CCDC102B: variants seen among roughly 807,000 people sequenced by gnomAD.
The protein encoded by CCDC102B is coiled-coil domain containing 102B.
A neutral mutation model predicts 57.4 loss-of-function variants in CCDC102B; 75 were observed. That is an observed-to-expected ratio of 1.31 (90% CI 1.08 to 1.58). The LOEUF (loss-of-function observed/expected upper bound fraction) is 1.58, where lower values mean the gene tolerates loss of function less well. Ranked by LOEUF, CCDC102B falls within the 40% of genes most tolerant of loss-of-function variation. The probability of loss-of-function intolerance (pLI) is 0.00; values close to 1 mark genes in which losing one functional copy is unlikely to be tolerated. For synonymous variants in CCDC102B, 206 were observed against 201.9 expected, an observed-to-expected ratio of 1.02 and a Z score of -0.17; for missense variants, 636 against 582.6, an observed-to-expected ratio of 1.09 and a Z score of -0.94.
At chr18:68,911,750 TC>T (rs1156311964) in intron 6 of CCDC102B, among the ~76,000 whole-genome samples, 1 of 10,798 alleles carries the variant, frequency 9.3e-5, no homozygotes, top group Non-Finnish European at 1.6e-4. Flanking sequence ...AGACTCCGTC[TC>T]AAAAAAAAAA....
intron 6 of CCDC102B, among the ~76,000 whole-genome samples, chr18:68,906,426 A>G (rs1380383078): frequency 6.6e-6 from 1 of 152,272 alleles, no homozygotes; most frequent in Non-Finnish European, 1.5e-5. Flanking sequence ...GGCGGAACCC[A>G]TTACCTTTCC....
At chr18:68,916,790 C>G (rs999886037) in intron 6 of CCDC102B, among the ~76,000 whole-genome samples, 37 of 152,134 alleles carry the variant, frequency 2.4e-4, no homozygotes, top group African/African-American at 8.9e-4. Context: ...TTGCTTTCTC[C>G]TGGGAAATGA....
upstream of CCDC102B, among the ~76,000 whole-genome samples, chr18:68,797,326 G>C (rs1255180261): frequency 2.6e-5 from 4 of 152,184 alleles, no homozygotes; most frequent in South Asian, 8.3e-4. Flanking sequence ...AAGGAGCAAG[G>C]CTATCCTGTT....
intron 1 of CCDC102B, among the ~76,000 whole-genome samples, chr18:68,827,014 C>A (rs918968009): frequency 6.6e-6 from 1 of 151,240 alleles, no homozygotes; most frequent in Admixed American, 6.6e-5. Flanking sequence ...ACAAAGGCTA[C>A]AAGGAGATGG....
intron 2 of CCDC102B, among the ~76,000 whole-genome samples, chr18:68,743,711 A>C (rs626825): frequency 6.6e-6 from 1 of 152,172 alleles, no homozygotes; most frequent in Non-Finnish European, 1.5e-5. Flanking sequence ...TTGAGGGAAG[A>C]CTTGGGAGTA....
intron 2 of CCDC102B, among the ~76,000 whole-genome samples, chr18:68,745,676 A>G: frequency 6.6e-6 from 1 of 152,172 alleles, no homozygotes; most frequent in South Asian, 2.1e-4. Context: ...ATCAAACACA[A>G]GAACTTATTT....
chr18:68,845,336 A>G (rs2037812876), intron 3 of CCDC102B, among the ~76,000 whole-genome samples: 1 of 151,886 alleles, frequency 6.6e-6, no homozygotes, highest in African/African-American at 2.4e-5. Context: ...ATAGATCCGT[A>G]TATTAGTTAA....
chr18:68,913,658 A>AT (rs1568327735), intron 6 of CCDC102B, among the ~76,000 whole-genome samples: 6 of 64,280 alleles, frequency 9.3e-5, no homozygotes, highest in African/African-American at 1.4e-4. Context: ...CGGTCTCAAA[A>AT]GAAAAAAAAA....
intron 1 of CCDC102B, among the ~76,000 whole-genome samples, chr18:68,829,935 A>G (rs1484503215): frequency 6.6e-6 from 1 of 151,938 alleles, no homozygotes; most frequent in African/African-American, 2.4e-5. Context: ...AACAACAACA[A>G]ACAGAAAAAA....
intron 6 of CCDC102B, among the ~76,000 whole-genome samples, chr18:68,909,077 T>A (rs1599672383): frequency 7.6e-6 from 1 of 132,364 alleles, no homozygotes; most frequent in Non-Finnish European, 1.6e-5. Context: ...TCCAAAGACA[T>A]AGTTTGGCAT....
At chr18:68,987,699 G>GA (rs1470568509) in intron 6 of CCDC102B, among the ~76,000 whole-genome samples, 3 of 151,238 alleles carry the variant, frequency 2.0e-5, no homozygotes, top group African/African-American at 7.3e-5. Context: ...CTTAATAAGT[G>GA]AAAAAAAGAA....
intron 1 of CCDC102B, among the ~76,000 whole-genome samples, chr18:68,822,181 G>T (rs1199310072): frequency 6.6e-6 from 1 of 152,078 alleles, no homozygotes; most frequent in Non-Finnish European, 1.5e-5. Context: ...GGATCACGAG[G>T]TCAGGAGTTT....
intron 2 of CCDC102B, among the ~76,000 whole-genome samples, chr18:68,739,281 G>C (rs959680974): frequency 6.6e-6 from 1 of 152,208 alleles, no homozygotes; most frequent in African/African-American, 2.4e-5. Context: ...ACAGGCGTGA[G>C]CCACTGTGCC....
chr18:68,733,498 ATATATATATT>A (rs1239690123), intron 2 of CCDC102B, among the ~76,000 whole-genome samples: 3,331 of 95,324 alleles, frequency 0.035, 244 homozygotes, highest in African/African-American at 0.12. Context: ...ATATATATAT[ATATATATATT>A]TTTTTAACTT....
chr18:68,905,942 C>T (rs2096945), intron 6 of CCDC102B, among the ~76,000 whole-genome samples: 115,205 of 151,302 alleles, frequency 0.76, 44,526 homozygotes, highest in Non-Finnish European at 0.84. Flanking sequence ...TACAGGCGCC[C>T]GCCACCACGC....
At chr18:68,910,737 C>G (rs904677887) in intron 6 of CCDC102B, among the ~76,000 whole-genome samples, 25 of 152,144 alleles carry the variant, frequency 1.6e-4, no homozygotes, top group African/African-American at 5.6e-4. Flanking sequence ...ACAATTGGCT[C>G]TTTATTCACA....
At chr18:68,791,219 G>T (rs1441548329) in intron 2 of CCDC102B, among the ~76,000 whole-genome samples, 1 of 152,180 alleles carries the variant, frequency 6.6e-6, no homozygotes, top group Non-Finnish European at 1.5e-5. Context: ...TCAGAAATGA[G>T]ATATGTTTTC....
At chr18:68,723,846 C>G (rs1286427297) in intron 2 of CCDC102B, among the ~76,000 whole-genome samples, 1 of 152,200 alleles carries the variant, frequency 6.6e-6, no homozygotes, top group Non-Finnish European at 1.5e-5. Context: ...GCCCTCTTCT[C>G]ACAGCTCCAC....
At chr18:69,041,166 T>A (rs2052424664) in intron 7 of CCDC102B, among the ~76,000 whole-genome samples, 1 of 152,140 alleles carries the variant, frequency 6.6e-6, no homozygotes, top group Admixed American at 6.6e-5. Flanking sequence ...GTGTATTTTA[T>A]CTCTTATTAC....
Sources: gnomAD v4.1 joint callset for allele counts (sites outside exome capture counted in the v4.1 genomes callset) on GRCh38, gnomAD v4.1.1 for gene constraint, MANE v1.5 for transcripts, NCBI Gene and HGNC (gene_info 2026-07-23, HGNC 2026-07-21) for gene names.